Variants in MORN1 observed in about 807,000 individuals in gnomAD.
The protein encoded by MORN1 is MORN repeat containing 1.
A neutral mutation model predicts 61.9 loss-of-function variants in MORN1; 67 were observed. The observed-to-expected ratio is 1.08, with a 90% CI of 0.89 to 1.33. The LOEUF is 1.33. Among genes scored for constraint, MORN1 ranks in the 40% most tolerant of loss-of-function variants. The probability of loss-of-function intolerance (pLI) is 0.00; values close to 1 mark genes in which losing one functional copy is unlikely to be tolerated. For missense variants in MORN1, 752 were observed against 691.2 expected (o/e 1.09, Z -0.99); for synonymous variants, 301 against 292.0 (o/e 1.03, Z -0.31).
At position 2,388,193 on chromosome 1, in the gene MORN1, T is replaced by C. The variant is rs777478896; in HGVS notation, c.247+46A>G. ...GACTCGGCGGACCAACTGAGCCCGA[T>C]GGGTTATGAGAAAGGAGTGAATGTG... On this transcript the variant is annotated intron_variant, in intron 3 of 13. Transcript: ENST00000378531. The C allele has an allele frequency of 1.8e-5, 26 of 1,481,350 alleles. No homozygotes were observed. In the South Asian group the frequency reaches 2.1e-4, roughly 12 times the overall value. The allele number at this position is 1,481,350 out of a possible 1,614,324, so 91.8% of individuals were successfully genotyped here. A position where few individuals can be genotyped will look rare whatever the true frequency, so the allele number is the denominator to read the frequency against.
At position 2,389,953 on chromosome 1, in the gene MORN1, T is replaced by C. The variant is rs370263830; in HGVS notation, c.120A>G (p.Glu40=). 3.6e-5 allele frequency: 58 copies of C among 1,614,100 alleles called. 2 individuals carry two copies. In the Middle Eastern group the frequency reaches 1.3e-3, roughly 37 times the overall value. Reference sequence around the variant, plus strand: ...GCTTCCTCCCTGCTTTCCATTCTCCTTCATATCGAAAGAAGGAATTTGGGT... The same window carrying C: ...GCTTCCTCCCTGCTTTCCATTCTCCCTCATATCGAAAGAAGGAATTTGGGT... The part of the protein sequence containing the change: ...YVYPNSFFRY[E]GEWKAGRKHG... The change falls in exon 2 of 14, where the codon GAA becomes GAG. Residue 40 remains glutamate, a synonymous_variant. Transcript: ENST00000378531.
At chr1:2,328,853 C>T (rs1386668474) in intron 12 of MORN1, among the ~76,000 whole-genome samples, 2 of 152,200 alleles carry the variant, frequency 1.3e-5, no homozygotes, top group Admixed American at 6.5e-5. Context: ...ACCAGGGAGG[C>T]CTCTTGCCTC....
Position 2,338,648 on chromosome 1 carries a change from G to A in MORN1, c.1037-1798C>T, listed in dbSNP as rs576005588. Among the ~76,000 whole-genome samples the A allele has an allele frequency of 3.2e-4, 49 of 152,356 alleles. No individual in the cohort carries two copies. In the South Asian group the frequency reaches 0.01, roughly 32 times the overall value. On this transcript the variant is annotated intron_variant, in intron 10 of 13. Transcript: ENST00000378531. The stretch of plus-strand genomic sequence containing the variant: ...TGCCACGTGCCATTTGCAGGGGCAA[G>A]GTGGGAGTTTAGAAAAGGTATTTTT...
Position 2,372,937 on chromosome 1 carries a change from G to A in MORN1, c.635-346C>T, listed in dbSNP as rs1024928013. Among the ~76,000 whole-genome samples the A allele has an allele frequency of 6.6e-6, 1 of 152,244 alleles. No individual in the cohort carries two copies. The highest frequency in any genetic ancestry group is 2.1e-4 in the South Asian group (1 of 4,838). ...GTTCCCGCACGTCTTCCCGCTGGTC[G>A]GGATTTAGGCCCTGCATTCCCTGCA... On this transcript the variant is annotated intron_variant, in intron 7 of 13. Coordinates refer to ENST00000378531, the MANE Select transcript of MORN1 (RefSeq NM_024848.3). The surrounding 1 kb of genome is among the most constrained non-coding windows in gnomAD (Gnocchi z 5.4).
At chr1:2,332,876 C>T in intron 12 of MORN1, 1 of 376,786 alleles carries the variant, frequency 2.7e-6, no homozygotes, top group Non-Finnish European at 5.3e-6. Flanking sequence ...CTCGAGGGGC[C>T]AAGCTCTGTC....
chr1:2,343,081 T>TC (rs1410762828), intron 10 of MORN1, among the ~76,000 whole-genome samples: 1 of 151,958 alleles, frequency 6.6e-6, no homozygotes, highest in East Asian at 1.9e-4. Flanking sequence ...ACCCTAAGCC[T>TC]CCATCTCCAG....
intron 12 of MORN1, among the ~76,000 whole-genome samples, chr1:2,324,725 C>T (rs979925036): frequency 6.6e-5 from 10 of 152,162 alleles, no homozygotes; most frequent in Non-Finnish European, 1.5e-4. Flanking sequence ...TGGAGACACT[C>T]ACTGCCCTGG....
At chr1:2,324,269 C>T (rs749734897) in intron 12 of MORN1, 126 bp from the exon 13 acceptor site, 24 of 932,184 alleles carry the variant, frequency 2.6e-5, no homozygotes, top group East Asian at 1.4e-4. Flanking sequence ...CAGAGGCCTG[C>T]GAACCCCACC....
chr1:2,341,310 C>G (rs1426981359), intron 10 of MORN1, among the ~76,000 whole-genome samples: 1 of 152,210 alleles, frequency 6.6e-6, no homozygotes, highest in Non-Finnish European at 1.5e-5. Context: ...CACAGTGTAC[C>G]TGCCCCCCAA....
At chr1:2,385,627 C>T (rs1254580420) in intron 5 of MORN1, 180 bp downstream of exon 5, 11 of 567,140 alleles carry the variant, frequency 1.9e-5, no homozygotes, top group Middle Eastern at 3.6e-4. Context: ...AGAATAACAC[C>T]GAAACCACAG....
rs1295695027 is a variant in MORN1, at chr1:2,334,809, C to G, written c.1250+1660G>C. ...GCAGACGCCGACCCCTCCGTTCTCT[C>G]AGGTGGAAAAGAACGAAAGCCTTCT... is the stretch of plus-strand genomic sequence containing the variant. On this transcript the variant is annotated intron_variant, in intron 12 of 13. Transcript: ENST00000378531. The surrounding 1 kb of genome is among the most constrained non-coding windows in gnomAD (Gnocchi z 5.4). Among the ~76,000 whole-genome samples, 1 of 152,242 alleles carries G rather than the reference C, an allele frequency of 6.6e-6. No individual in the cohort carries two copies. Among genetic ancestry groups the G allele is most frequent in the Non-Finnish European group, 1.5e-5 (1 of 68,044 alleles).
At chr1:2,338,567 TCCCGAGC>T (rs1336965377) in intron 10 of MORN1, among the ~76,000 whole-genome samples, 1 of 152,130 alleles carries the variant, frequency 6.6e-6, no homozygotes, top group Non-Finnish European at 1.5e-5. Flanking sequence ...TGGGCCCAGA[TCCCGAGC>T]CCCAAGTACA....
chr1:2,322,516 G>A (rs369298812), intron 13 of MORN1: 4 of 985,240 alleles, frequency 4.1e-6, no homozygotes, highest in Admixed American at 6.1e-5. Context: ...AAGCCTCGGG[G>A]GCCGGGAGGA....
At chr1:2,377,497 A>G (rs1642268464) in intron 6 of MORN1, 1 of 152,344 alleles carries the variant, frequency 6.6e-6, no homozygotes, top group Admixed American at 6.5e-5. Context: ...ACAAGCTCGG[A>G]CGGCTCGGCT....
chr1:2,388,091 G>T (rs2645061), intron 3 of MORN1, 148 bp downstream of exon 3: 11,505 of 618,908 alleles, frequency 0.019, 152 homozygotes, highest in Middle Eastern at 0.058. Context: ...CCTCAGTCAG[G>T]TCCCCAGGGC....
At chr1:2,355,508 A>G (rs1039100) in intron 10 of MORN1, 1,244,963 of 1,548,346 alleles carry the variant, frequency 0.8, 502,636 homozygotes, top group African/African-American at 0.95. Flanking sequence ...TGGGGCTTCT[A>G]GCCACCAGCT....
In MORN1 at chr1:2,387,658, T is replaced by C. The variant is rs944184476; in HGVS notation, c.248-129A>G. Reference sequence around the variant, plus strand: ...AGAATGGACGTCCCTGCCTCCATCATACTACTCAGTCTGCTTCATGAGGGA... The same window carrying C: ...AGAATGGACGTCCCTGCCTCCATCACACTACTCAGTCTGCTTCATGAGGGA... On this transcript the variant is annotated intron_variant, in intron 3 of 13. Transcript: ENST00000378531. 8.8e-6 allele frequency: 6 copies of C among 679,030 alleles called. No individual in the cohort carries two copies. The African/African-American group carries it at 8.8e-5, about 10-fold the overall frequency. 42.1% of individuals were successfully genotyped at this position (679,030 alleles called of 1,614,324 possible).
intron 12 of MORN1, among the ~76,000 whole-genome samples, chr1:2,331,811 G>A (rs1368118229): frequency 4.0e-5 from 6 of 151,742 alleles, no homozygotes; most frequent in Non-Finnish European, 7.4e-5. Context: ...CCGCGGCTGC[G>A]CCTCTCCCGC....
At chr1:2,323,061 G>T (rs145671968) in intron 13 of MORN1, 21,100 of 985,408 alleles carry the variant, frequency 0.021, 242 homozygotes, top group Non-Finnish European at 0.024. Flanking sequence ...AACCCTGGCC[G>T]AGCGGCTGCG....
Sources: allele counts gnomAD v4.1 joint callset (sites outside exome capture counted in the v4.1 genomes callset), GRCh38; gene constraint gnomAD v4.1.1; non-coding constraint Gnocchi (gnomAD v3.1); transcripts MANE v1.5; gene names NCBI Gene and HGNC (gene_info 2026-07-23, HGNC 2026-07-21).